Variants in VAV2 observed in about 807,000 individuals in gnomAD.
VAV2 encodes guanine nucleotide exchange factor VAV2.
In VAV2, 67 loss-of-function variants were observed where a neutral mutation model predicts 132.5. That is an observed-to-expected ratio of 0.51 (90% CI 0.42 to 0.62). The LOEUF is 0.62. VAV2 is among the 20% of genes least tolerant of loss of function. The probability of loss-of-function intolerance (pLI) is 0.00; values close to 1 mark genes in which losing one functional copy is unlikely to be tolerated. For synonymous variants in VAV2, 492 were observed against 443.5 expected (o/e 1.11, Z -1.37); for missense variants, 938 against 1,153.6 (o/e 0.81, Z 2.71).
At chr9:133,770,689 C>G (rs1417137866) in intron 26 of VAV2, among the ~76,000 whole-genome samples, 188 bp from the exon 27 acceptor site, 1 of 152,212 alleles carries the variant, frequency 6.6e-6, no homozygotes, top group Non-Finnish European at 1.5e-5. Context: ...GCAACTCCCC[C>G]AAATGTTTCT....
chr9:133,864,467 G>T (rs1335248848), intron 2 of VAV2, among the ~76,000 whole-genome samples: 2 of 152,230 alleles, frequency 1.3e-5, no homozygotes, highest in Non-Finnish European at 2.9e-5. Flanking sequence ...GGTTGAGTCT[G>T]GATCCTGGAT....
chr9:133,882,682 G>T, intron 2 of VAV2, among the ~76,000 whole-genome samples: 1 of 152,142 alleles, frequency 6.6e-6, no homozygotes, highest in Middle Eastern at 3.2e-3. Context: ...CCCTTGTTTT[G>T]CGGCACCAGG....
At chr9:133,821,727 G>A (rs1027992475) in intron 4 of VAV2, among the ~76,000 whole-genome samples, 22 of 152,290 alleles carry the variant, frequency 1.4e-4, no homozygotes, top group African/African-American at 4.8e-4. Context: ...TTGCTTTTGT[G>A]GGTTTCAGGG....
intron 27 of VAV2, among the ~76,000 whole-genome samples, chr9:133,770,075 G>A (rs1438419676): frequency 6.6e-6 from 1 of 152,226 alleles, no homozygotes; most frequent in African/African-American, 2.4e-5. Context: ...TCTCCCACCT[G>A]TGACAGCTCC....
intron 3 of VAV2, 63 bp downstream of exon 3, chr9:133,861,311 G>A (rs879204091): frequency 1.5e-5 from 23 of 1,534,498 alleles, no homozygotes; most frequent in Middle Eastern, 1.7e-4. Flanking sequence ...TCTGTGACAA[G>A]GCACGCTGGT....
In VAV2 at chr9:133,802,547, C is replaced by T. The variant is rs1442011274; in HGVS notation, c.836+3534G>A. ...GGCACGGCCCGCCGTGTCCAGCATC[C>T]TGCCCGACCTCCCCTCTCTGCTGAC... On this transcript the variant is annotated intron_variant, in intron 9 of 29. Coordinates refer to ENST00000371850, the MANE Select transcript of VAV2 (RefSeq NM_001134398.2). This position sits in a 1 kb window ranked among gnomAD's most constrained non-coding sequence, Gnocchi z 5.8. Among the ~76,000 whole-genome samples the T allele has an allele frequency of 6.6e-6, 1 of 152,200 alleles. No individual in the cohort carries two copies. Among genetic ancestry groups the T allele is most frequent in the Non-Finnish European group, 1.5e-5 (1 of 68,034 alleles).
chr9:133,985,231 T>A (rs898601525), intron 1 of VAV2, among the ~76,000 whole-genome samples: 16 of 9,682 alleles, frequency 1.7e-3, no homozygotes, highest in African/African-American at 0.011. Context: ...CCTTATTGTG[T>A]GTGTGTGTGT....
intron 2 of VAV2, among the ~76,000 whole-genome samples, chr9:133,933,396 T>C (rs545737862): frequency 1.3e-5 from 2 of 152,254 alleles, no homozygotes; most frequent in Non-Finnish European, 2.9e-5. Flanking sequence ...CTTAACAGAA[T>C]GATAGATGGA....
rs1021922539 is a variant in VAV2, at chr9:133,763,178, A to G, written c.*884T>C. 2.6e-5 allele frequency: 4 copies of G among 152,340 alleles called. No homozygotes were observed. The highest frequency in any genetic ancestry group is 9.7e-5 in the African/African-American group (4 of 41,394). 9.4% of individuals were successfully genotyped at this position (152,340 alleles called of 1,614,324 possible). ...AGGAGAGCAGAGGGGCCTCCTGGAG[A>G]GGGACCTGGCAGGGATCTAGAGAGG... On this transcript the variant is annotated 3_prime_UTR_variant, in exon 30 of 30. Transcript: ENST00000371850. The surrounding 1 kb of genome is among the most constrained non-coding windows in gnomAD (Gnocchi z 6.8).
At chr9:133,937,040 G>A (rs1177847246) in intron 2 of VAV2, among the ~76,000 whole-genome samples, 1 of 152,186 alleles carries the variant, frequency 6.6e-6, no homozygotes, top group Non-Finnish European at 1.5e-5. Context: ...ACTGCATTCC[G>A]CCATAGCAAA....
intron 1 of VAV2, among the ~76,000 whole-genome samples, chr9:133,957,691 C>T (rs1331629708): frequency 2.0e-5 from 3 of 152,008 alleles, no homozygotes; most frequent in Non-Finnish European, 2.9e-5. Flanking sequence ...CCACCTCAGC[C>T]GGGACACCCT....
chr9:133,838,381 C>T (rs756396981), intron 3 of VAV2, among the ~76,000 whole-genome samples: 2 of 139,862 alleles, frequency 1.4e-5, no homozygotes, highest in African/African-American at 2.6e-5. Flanking sequence ...GGATAGATGG[C>T]GGGGGGTGGA....
At chr9:133,930,560 A>C (rs1840649012) in intron 2 of VAV2, among the ~76,000 whole-genome samples, 1 of 152,262 alleles carries the variant, frequency 6.6e-6, no homozygotes, top group African/African-American at 2.4e-5. Flanking sequence ...TGCTAGTCAG[A>C]GGGAAGAGGG....
chr9:133,779,985 TTGAC>T (rs781275604), intron 20 of VAV2, 46 bp from the exon 21 acceptor site: 1 of 1,610,122 alleles, frequency 6.2e-7, no homozygotes, highest in South Asian at 1.1e-5. Flanking sequence ...AGGCTGCTCT[TTGAC>T]TGTGGCCCAT....
rs1026405476 is a variant in VAV2, at chr9:133,919,750, A to G, written c.321+19353T>C. ...ACGTGGCCAGTCTCAGGGGAGCAAC[A>G]CAAACAGCGCATTCTTGGCATCCGT... is the stretch of plus-strand genomic sequence containing the variant. On this transcript the variant is annotated intron_variant, in intron 2 of 29. Transcript: ENST00000371850. This position sits in a 1 kb window ranked among gnomAD's most constrained non-coding sequence, Gnocchi z 5.8. 6.6e-6 allele frequency among the ~76,000 whole-genome samples: 1 copy of G among 152,196 alleles called. No homozygotes were observed. The highest frequency in any genetic ancestry group is 6.5e-5 in the Admixed American group (1 of 15,288).
intron 3 of VAV2, among the ~76,000 whole-genome samples, chr9:133,858,456 C>T (rs1837468668): frequency 6.6e-6 from 1 of 152,098 alleles, no homozygotes; most frequent in African/African-American, 2.4e-5. Flanking sequence ...TAAATGGAAA[C>T]CCACGCCCGA....
At position 133,810,565 on chromosome 9, in the gene VAV2, C is replaced by G. The variant is rs111284024; in HGVS notation, c.553-360G>C. ...AGAGGACCCTGGCAGGAAGCAGGAA[C>G]TGCCCCTTGCCCCCAGCCCCTGCCT... On this transcript the variant is annotated intron_variant, in intron 5 of 29. Coordinates refer to ENST00000371850, the MANE Select transcript of VAV2 (RefSeq NM_001134398.2). Among the ~76,000 whole-genome samples the G allele has an allele frequency of 4.0e-3, 606 of 152,324 alleles. 5 individuals carry two copies. The highest frequency in any genetic ancestry group is 0.014 in the African/African-American group (584 of 41,542).
intron 2 of VAV2, among the ~76,000 whole-genome samples, chr9:133,872,803 A>G (rs983338387): frequency 6.6e-6 from 1 of 152,040 alleles, no homozygotes; most frequent in Non-Finnish European, 1.5e-5. Flanking sequence ...ACCGCTCAAG[A>G]AGCGGGGCAG....
At chr9:133,770,595 T>G (rs1379876167) in intron 26 of VAV2, 94 bp from the exon 27 acceptor site, 2 of 1,550,034 alleles carry the variant, frequency 1.3e-6, no homozygotes, top group Non-Finnish European at 1.7e-6. Flanking sequence ...TTGGTTCATG[T>G]GGGGGAGACT....
Sources: gnomAD v4.1 joint callset for allele counts (sites outside exome capture counted in the v4.1 genomes callset) on GRCh38, gnomAD v4.1.1 for gene constraint, Gnocchi (gnomAD v3.1) non-coding constraint, MANE v1.5 for transcripts, NCBI Gene and HGNC (gene_info 2026-07-23, HGNC 2026-07-21) for gene names.